Variants in WDR25 observed in about 807,000 individuals in gnomAD.
The protein encoded by WDR25 is WD repeat domain 25, also known as WD repeat-containing protein 25.
WDR25 carries 35 observed loss-of-function variants against 47.7 expected under a neutral mutation model. The ratio of observed to expected loss-of-function variants is 0.73; its 90% CI spans 0.56 to 0.97. The LOEUF (loss-of-function observed/expected upper bound fraction) is 0.97. Ranked by LOEUF, WDR25 falls within the 50% of genes least tolerant of loss-of-function variation. The pLI, the probability that WDR25 is intolerant of heterozygous loss-of-function variation, is 0.00. For missense variants in WDR25, 634 were observed against 704.7 expected (o/e 0.90, Z 1.14); for synonymous variants, 248 against 278.9 (o/e 0.89, Z 1.10).
rs961130719 is a variant in WDR25, at chr14:100,402,393, C to A, written c.822+20647C>A. 2.0e-5 allele frequency among the ~76,000 whole-genome samples: 3 copies of A among 151,484 alleles called. 1 individual carries two copies. Among genetic ancestry groups the A allele is most frequent in the Admixed American group, 1.3e-4 (2 of 15,220 alleles). On this transcript the variant is annotated intron_variant, in intron 2 of 6. Transcript: ENST00000402312. ...AAAAAAAAAAACAAAACCAAAAAAT[C>A]AAAAAATTCCCTTGGCTTTAAAGGC...
intron 2 of WDR25, among the ~76,000 whole-genome samples, chr14:100,459,130 T>C (rs12433111): frequency 0.64 from 96,708 of 152,026 alleles, 33,339 homozygotes; most frequent in African/African-American, 0.91. Flanking sequence ...ATATTTAGCC[T>C]GACTCATGGG....
intron 2 of WDR25, among the ~76,000 whole-genome samples, chr14:100,456,183 C>T (rs575358472): frequency 1.3e-5 from 2 of 152,136 alleles, no homozygotes; most frequent in African/African-American, 4.8e-5. Flanking sequence ...TGTAGTGAGA[C>T]CTTGTCTCAA....
intron 2 of WDR25, among the ~76,000 whole-genome samples, chr14:100,399,631 G>A (rs545185298): frequency 6.6e-6 from 1 of 152,258 alleles, no homozygotes; most frequent in South Asian, 2.1e-4. Context: ...CCCAGCAGAA[G>A]CTCTGTTCTG....
intron 4 of WDR25, among the ~76,000 whole-genome samples, chr14:100,493,727 AGACT>A (rs1191075397): frequency 2.0e-5 from 3 of 152,236 alleles, no homozygotes; most frequent in Non-Finnish European, 4.4e-5. Context: ...CATGTACAAT[AGACT>A]GACTGTTTGT....
In WDR25 at chr14:100,492,159, G is replaced by A. The variant is rs146121032; in HGVS notation, c.1101+8035G>A. On this transcript the variant is annotated intron_variant, in intron 4 of 6. Transcript: ENST00000402312. ...CCCTAAAGCTGTAGAAGGGACTGCT[G>A]AAAACATCTGTTTCTCTCAATATTC... 2.0e-3 allele frequency among the ~76,000 whole-genome samples: 312 copies of A among 152,366 alleles called. 1 individual carries two copies. The highest frequency in any genetic ancestry group is 6.8e-3 in the African/African-American group (283 of 41,578).
At chr14:100,460,278 A>G (rs572403483) in intron 2 of WDR25, among the ~76,000 whole-genome samples, 32 of 151,716 alleles carry the variant, frequency 2.1e-4, no homozygotes, top group Non-Finnish European at 3.4e-4. Flanking sequence ...ACGCCCTGCT[A>G]ATTTTTTGTA....
Position 100,488,718 on chromosome 14 carries a change from G to A in WDR25, c.1101+4594G>A, listed in dbSNP as rs574117613. Among the ~76,000 whole-genome samples the A allele has an allele frequency of 3.1e-4, 47 of 152,306 alleles. 1 individual carries two copies. The South Asian group carries it at 5.4e-3, about 17-fold the overall frequency. ...GGATAGTATATGGACCACATTTTGA[G>A]AAGCTAGGGACCAAAGGGCCTCTGA... On this transcript the variant is annotated intron_variant, in intron 4 of 6. Coordinates refer to ENST00000402312, the MANE Select transcript of WDR25 (RefSeq NM_001161476.3). The surrounding 1 kb of genome is among the most constrained non-coding windows in gnomAD (Gnocchi z 4.2).
At chr14:100,382,001 A>G in intron 2 of WDR25, 2 of 694,220 alleles carry the variant, frequency 2.9e-6, no homozygotes, top group Admixed American at 2.1e-5. Context: ...GGAGGCCGTG[A>G]GGGAGGAGGT....
chr14:100,423,368 C>G (rs1898079786), intron 2 of WDR25, among the ~76,000 whole-genome samples: 1 of 152,118 alleles, frequency 6.6e-6, no homozygotes, highest in Non-Finnish European at 1.5e-5. Context: ...ATACCTGGAC[C>G]CACGGGCTGG....
chr14:100,411,066 A>C (rs773846579), intron 2 of WDR25, among the ~76,000 whole-genome samples: 13 of 152,134 alleles, frequency 8.5e-5, no homozygotes, highest in Non-Finnish European at 4.4e-5. Flanking sequence ...TATAGGTGTG[A>C]GCCACCCTGC....
chr14:100,528,230 G>A (rs2030279951), intron 5 of WDR25, among the ~76,000 whole-genome samples: 1 of 152,120 alleles, frequency 6.6e-6, no homozygotes, highest in Non-Finnish European at 1.5e-5. Context: ...TCAATATTAA[G>A]TATGATTGGG....
intron 3 of WDR25, among the ~76,000 whole-genome samples, chr14:100,479,026 C>T (rs1324788750): frequency 2.0e-5 from 3 of 151,760 alleles, no homozygotes; most frequent in Non-Finnish European, 2.9e-5. Context: ...CAGCAATAAG[C>T]GCAGTTGTCC....
chr14:100,420,205 G>T (rs957147283), intron 2 of WDR25, among the ~76,000 whole-genome samples: 1 of 152,250 alleles, frequency 6.6e-6, no homozygotes, highest in African/African-American at 2.4e-5. Flanking sequence ...CTGCACATGG[G>T]CCGCAGGCCC....
chr14:100,525,936 G>A lies in WDR25; in HGVS notation c.1168G>A (p.Glu390Lys), dbSNP rs1326333382. 7 of 1,613,876 alleles carry A rather than the reference G, an allele frequency of 4.3e-6. No individual in the cohort carries two copies. The highest frequency in any genetic ancestry group is 2.2e-5 in the East Asian group (1 of 44,902). ...LDILFLREGSEFLSSTDASTR... is the reference protein window; with the variant it reads ...LDILFLREGSKFLSSTDASTR... ...CATCCTGTTCCTCCGGGAAGGCTCCGAGTTCCTGAGCAGCACAGACGCTTC... is the reference window on the plus strand; with the variant it reads ...CATCCTGTTCCTCCGGGAAGGCTCCAAGTTCCTGAGCAGCACAGACGCTTC... The change falls in exon 5 of 7, where the codon GAG (glutamate) becomes AAG (lysine). Residue 390 changes from glutamate (E) to lysine (K), a missense_variant. Physicochemically the swap from Glu to Lys is moderately conservative, Grantham distance 56. Transcript: ENST00000402312. The surrounding 1 kb of genome is among the most constrained non-coding windows in gnomAD (Gnocchi z 4.6).
chr14:100,477,787 T>G (rs775220691), intron 3 of WDR25, among the ~76,000 whole-genome samples: 5 of 152,218 alleles, frequency 3.3e-5, no homozygotes, highest in Non-Finnish European at 7.3e-5. Flanking sequence ...TGGAGGTTAT[T>G]GCTATTTAAA....
rs1009260364 is a variant in WDR25 at position 100,430,868 on chromosome 14, A to ATT, written c.823-37151_823-37150dup. On this transcript the variant is annotated intron_variant, in intron 2 of 6. Coordinates refer to ENST00000402312, the MANE Select transcript of WDR25 (RefSeq NM_001161476.3). The surrounding 1 kb of genome is among the most constrained non-coding windows in gnomAD (Gnocchi z 4.7). ...GTGCCCACTCCCCTCCTTGTGGGTC[A>ATT]TTTCATCCACCAACTCCTGCGGTGC... Among the ~76,000 whole-genome samples, 1 of 152,130 alleles carries ATT rather than the reference A, an allele frequency of 6.6e-6. No homozygotes were observed. Among genetic ancestry groups the ATT allele is most frequent in the Non-Finnish European group, 1.5e-5 (1 of 68,028 alleles).
chr14:100,520,449 C>G (rs1475822579), intron 4 of WDR25, among the ~76,000 whole-genome samples: 1 of 152,140 alleles, frequency 6.6e-6, no homozygotes, highest in Non-Finnish European at 1.5e-5. Context: ...TTGCAGTTCT[C>G]TTTGTTCACA....
chr14:100,489,168 G>A (rs969888643), intron 4 of WDR25, among the ~76,000 whole-genome samples: 1 of 152,254 alleles, frequency 6.6e-6, no homozygotes, highest in African/African-American at 2.4e-5. Flanking sequence ...GGGAGACCCT[G>A]TGTCAGATGA....
intron 2 of WDR25, among the ~76,000 whole-genome samples, chr14:100,466,134 T>C (rs1054180175): frequency 6.6e-6 from 1 of 152,166 alleles, no homozygotes; most frequent in Non-Finnish European, 1.5e-5. Flanking sequence ...CACTTTGAAG[T>C]CTTCTGGCTG....
Sources: allele counts gnomAD v4.1 joint callset (sites outside exome capture counted in the v4.1 genomes callset), GRCh38; gene constraint gnomAD v4.1.1; non-coding constraint Gnocchi (gnomAD v3.1); transcripts MANE v1.5; gene names NCBI Gene and HGNC (gene_info 2026-07-23, HGNC 2026-07-21).